RNF144A: variants seen among roughly 807,000 people sequenced by gnomAD.
RNF144A encodes ring finger protein 144A.
Under a neutral mutation model 38.7 loss-of-function variants are expected in RNF144A, and 11 were observed. The observed-to-expected ratio is 0.28, with a 90% CI of 0.18 to 0.47. The LOEUF (loss-of-function observed/expected upper bound fraction) is 0.47. RNF144A is among the 20% of genes least tolerant of loss of function. The pLI is 0.99. For synonymous variants in RNF144A, 149 were observed against 143.9 expected (o/e 1.04, Z -0.25); for missense variants, 316 against 377.2 (o/e 0.84, Z 1.34).
intron 2 of RNF144A, among the ~76,000 whole-genome samples, chr2:6,983,474 A>G (rs1302944245): frequency 6.6e-6 from 1 of 152,142 alleles, no homozygotes; most frequent in African/African-American, 2.4e-5. Context: ...GTAGCACTGG[A>G]TGGAGCCCAA....
chr2:7,006,060 C>T (rs112407366), intron 3 of RNF144A, among the ~76,000 whole-genome samples: 8 of 151,710 alleles, frequency 5.3e-5, no homozygotes, highest in Admixed American at 6.6e-5. Context: ...CCTCGTGTTG[C>T]CCCTGAAATC....
At chr2:7,060,249 C>CATG (rs1673899998) in intron 6 of RNF144A, among the ~76,000 whole-genome samples, 1 of 152,054 alleles carries the variant, frequency 6.6e-6, no homozygotes, top group African/African-American at 2.4e-5. Context: ...TGAAATAAGA[C>CATG]ATGATCCTGT....
intron 3 of RNF144A, among the ~76,000 whole-genome samples, chr2:7,001,615 C>T (rs370392218): frequency 2.6e-5 from 4 of 151,824 alleles, no homozygotes; most frequent in Admixed American, 6.6e-5. Context: ...AGGTCGAGGC[C>T]GCAGTGAGCC....
intron 8 of RNF144A, among the ~76,000 whole-genome samples, chr2:7,030,913 T>G (rs899217752): frequency 6.6e-6 from 1 of 151,732 alleles, no homozygotes; most frequent in Non-Finnish European, 1.5e-5. Context: ...CATCAGGCAT[T>G]TAGATTCTCA....
At chr2:6,985,324 T>C (rs1668884759) in intron 2 of RNF144A, among the ~76,000 whole-genome samples, 2 of 147,454 alleles carry the variant, frequency 1.4e-5, no homozygotes, top group African/African-American at 5.0e-5. Context: ...AGGCAGCTGC[T>C]TTAGGGAAAA....
intron 2 of RNF144A, among the ~76,000 whole-genome samples, chr2:6,992,410 C>T (rs561506927): frequency 6.6e-6 from 1 of 152,128 alleles, no homozygotes; most frequent in African/African-American, 2.4e-5. Flanking sequence ...GACCCAGAGA[C>T]GGGAGACAGC....
intron 2 of RNF144A, among the ~76,000 whole-genome samples, chr2:6,982,269 T>C (rs369360037): frequency 2.0e-5 from 3 of 152,296 alleles, no homozygotes; most frequent in Middle Eastern, 3.4e-3. Flanking sequence ...TACTCGTAAG[T>C]GTGTTGCAAT....
At chr2:7,011,511 G>A (rs1670800267) in intron 3 of RNF144A, among the ~76,000 whole-genome samples, 1 of 152,140 alleles carries the variant, frequency 6.6e-6, no homozygotes, top group African/African-American at 2.4e-5. Flanking sequence ...TCTGAGCCTT[G>A]GTTTTCTCAT....
rs936647719 is a variant in RNF144A at position 6,970,985 on chromosome 2, C to T, written c.-11-25931C>T. Among the ~76,000 whole-genome samples the T allele has an allele frequency of 3.9e-5, 6 of 152,178 alleles. No homozygotes were observed. The East Asian group carries it at 7.7e-4, about 20-fold the overall frequency. ...ATGAATTTTGTGCACTAAAATCACT[C>T]GTCTTTACCTTGCTTTCCTTATTTG... On this transcript the variant is annotated intron_variant, in intron 2 of 8. Transcript: ENST00000320892.
Position 7,042,488 on chromosome 2 carries a change from C to T in RNF144A, c.*2728C>T. On this transcript the variant is annotated 3_prime_UTR_variant, in exon 9 of 9. Coordinates refer to ENST00000320892, the MANE Select transcript of RNF144A (RefSeq NM_014746.6). ...AATCCTGGGGAGTAAGGGGCGAAGGCCCTTAGACAACCATGGCTGCTGTAC... is the reference window on the plus strand; with the variant it reads ...AATCCTGGGGAGTAAGGGGCGAAGGTCCTTAGACAACCATGGCTGCTGTAC... The T allele has an allele frequency of 1.0e-6, 1 of 985,488 alleles. No individual in the cohort carries two copies. Among genetic ancestry groups the T allele is most frequent in the Non-Finnish European group, 1.2e-6 (1 of 829,960 alleles). 61.0% of individuals were successfully genotyped at this position (985,488 alleles called of 1,614,324 possible). A position where few individuals can be genotyped will look rare whatever the true frequency, so the allele number is the denominator to read the frequency against.
At chr2:7,065,460 G>GA (rs1674171900) in intron 6 of RNF144A, among the ~76,000 whole-genome samples, 1 of 152,218 alleles carries the variant, frequency 6.6e-6, no homozygotes, top group African/African-American at 2.4e-5. Flanking sequence ...AACTTTTGTG[G>GA]AAAAAGGATG....
At chr2:7,012,184 T>C (rs2103415827) in intron 3 of RNF144A, among the ~76,000 whole-genome samples, 1 of 152,352 alleles carries the variant, frequency 6.6e-6, no homozygotes, top group South Asian at 2.1e-4. Flanking sequence ...AATAATGATC[T>C]TGTTGCTAAG....
chr2:6,940,077 AT>A (rs1665870215), intron 1 of RNF144A, among the ~76,000 whole-genome samples: 1 of 152,140 alleles, frequency 6.6e-6, no homozygotes, highest in African/African-American at 2.4e-5. Context: ...CAGCTTGTCA[AT>A]TTTTATTGAA....
At chr2:6,972,291 G>T (rs1359190919) in intron 2 of RNF144A, among the ~76,000 whole-genome samples, 1 of 152,226 alleles carries the variant, frequency 6.6e-6, no homozygotes, top group Non-Finnish European at 1.5e-5. Context: ...CTGAGATGCT[G>T]CTGTACTTCT....
chr2:7,066,532 T>C (rs1382419248), intron 6 of RNF144A, among the ~76,000 whole-genome samples: 1 of 152,276 alleles, frequency 6.6e-6, no homozygotes, highest in South Asian at 2.1e-4. Context: ...TTTTATTTTA[T>C]GATAATGTAG....
chr2:6,976,632 C>A (rs1049419054), intron 2 of RNF144A, among the ~76,000 whole-genome samples: 4 of 148,088 alleles, frequency 2.7e-5, no homozygotes, highest in Admixed American at 2.0e-4. Flanking sequence ...ATATACATTT[C>A]ATATATATAA....
intron 6 of RNF144A, among the ~76,000 whole-genome samples, chr2:7,066,212 C>T (rs112580439): frequency 0.025 from 3,866 of 152,170 alleles, 58 homozygotes; most frequent in Non-Finnish European, 0.037. Context: ...CTCAGCCTCC[C>T]GAGTAGCTGG....
At chr2:6,932,440 G>C (rs1053649697) in intron 1 of RNF144A, among the ~76,000 whole-genome samples, 2 of 152,282 alleles carry the variant, frequency 1.3e-5, no homozygotes, top group Admixed American at 6.5e-5. Flanking sequence ...AGAAAATACT[G>C]TGTATTGCTA....
chr2:6,920,726 C>T (rs908317250), intron 1 of RNF144A, among the ~76,000 whole-genome samples: 30 of 152,260 alleles, frequency 2.0e-4, no homozygotes, highest in African/African-American at 7.2e-4. Context: ...AAGAAGTAAT[C>T]ATTTCCAAGA....
Sources: gnomAD v4.1 joint callset for allele counts (sites outside exome capture counted in the v4.1 genomes callset) on GRCh38, gnomAD v4.1.1 for gene constraint, MANE v1.5 for transcripts, NCBI Gene and HGNC (gene_info 2026-07-23, HGNC 2026-07-21) for gene names.